The following HDAC4 variants were observed in gnomAD, a reference collection of about 807,000 sequenced individuals.
The protein encoded by HDAC4 is histone deacetylase 4.
Under a neutral mutation model 135.1 loss-of-function variants are expected in HDAC4, and 16 were observed. The ratio of observed to expected loss-of-function variants is 0.12; its 90% CI spans 0.08 to 0.18. HDAC4 has a LOEUF of 0.18. HDAC4 is among the 10% of genes least tolerant of loss of function. The pLI, the probability that HDAC4 is intolerant of heterozygous loss-of-function variation, is 1.00. For synonymous variants in HDAC4, 685 were observed against 653.4 expected (o/e 1.05, Z -0.74); for missense variants, 1,143 against 1,511.8 (o/e 0.76, Z 4.05).
At chr2:239,193,679 G>T (rs56758760) in intron 3 of HDAC4, among the ~76,000 whole-genome samples, 3,318 of 152,350 alleles carry the variant, frequency 0.022, 95 homozygotes, top group East Asian at 0.12. Flanking sequence ...AGCCAAGAGC[G>T]CGAGGGGAAG....
At chr2:239,109,609 TAAA>T (rs10543545) in intron 14 of HDAC4, among the ~76,000 whole-genome samples, 244 of 145,304 alleles carry the variant, frequency 1.7e-3, no homozygotes, top group Middle Eastern at 7.3e-3. Context: ...GGACTTCTGG[TAAA>T]AAAAAAAAAA....
intron 2 of HDAC4, among the ~76,000 whole-genome samples, chr2:239,271,119 T>C (rs867620473): frequency 1.3e-5 from 2 of 152,152 alleles, no homozygotes; most frequent in African/African-American, 2.4e-5. Flanking sequence ...AGTATGTTTT[T>C]TGGTGTTTTT....
At chr2:239,153,440 T>G (rs1427064759) in intron 7 of HDAC4, among the ~76,000 whole-genome samples, 1 of 152,238 alleles carries the variant, frequency 6.6e-6, no homozygotes, top group Non-Finnish European at 1.5e-5. Context: ...GTGTTTCATA[T>G]TACCAATTAC....
At chr2:239,389,202 G>A (rs1696031323) in intron 1 of HDAC4, among the ~76,000 whole-genome samples, 1 of 152,196 alleles carries the variant, frequency 6.6e-6, no homozygotes, top group Non-Finnish European at 1.5e-5. Flanking sequence ...GTAGGACGTG[G>A]GTGGGGACAA....
chr2:239,124,349 G>A (rs1345773031), intron 12 of HDAC4, among the ~76,000 whole-genome samples: 1 of 152,242 alleles, frequency 6.6e-6, no homozygotes, highest in Admixed American at 6.5e-5. Context: ...TCTGTGTCCT[G>A]TCTCTGTGAG....
chr2:239,189,196 G>T (rs1354127898), intron 4 of HDAC4, among the ~76,000 whole-genome samples: 1 of 152,168 alleles, frequency 6.6e-6, no homozygotes. Context: ...TGCTCTAAAT[G>T]GTTCTAAATG....
At chr2:239,152,360 T>G (rs186648403) in intron 7 of HDAC4, among the ~76,000 whole-genome samples, 4 of 152,244 alleles carry the variant, frequency 2.6e-5, no homozygotes, top group Non-Finnish European at 5.9e-5. Context: ...TTCACAAGTC[T>G]GCAGAAACCC....
At chr2:239,215,781 C>T (rs774930195) in intron 3 of HDAC4, among the ~76,000 whole-genome samples, 1 of 152,198 alleles carries the variant, frequency 6.6e-6, no homozygotes, top group South Asian at 2.1e-4. Context: ...GCACCGGGCT[C>T]CCTGGAGGAC....
At chr2:239,132,703 C>T (rs2040679087) in intron 11 of HDAC4, among the ~76,000 whole-genome samples, 2 of 152,242 alleles carry the variant, frequency 1.3e-5, no homozygotes, top group Admixed American at 6.5e-5. Context: ...ATCAAAAAGG[C>T]TGTTTTCCAA....
intron 3 of HDAC4, among the ~76,000 whole-genome samples, chr2:239,223,512 A>T (rs3791612): frequency 0.14 from 20,600 of 152,186 alleles, 1,497 homozygotes; most frequent in East Asian, 0.19. Context: ...GGGCAGCTTG[A>T]TAAAAAGTGA....
intron 2 of HDAC4, among the ~76,000 whole-genome samples, chr2:239,337,806 G>A (rs1692040942): frequency 1.3e-5 from 2 of 152,198 alleles, no homozygotes; most frequent in Admixed American, 6.5e-5. Context: ...CTTCGGCTGA[G>A]ATCTGCAGAC....
chr2:239,300,638 C>T (rs916485808), intron 2 of HDAC4, among the ~76,000 whole-genome samples: 16 of 152,160 alleles, frequency 1.1e-4, no homozygotes, highest in African/African-American at 3.9e-4. Context: ...GTGGATGAAG[C>T]CAGGCTGAGC....
chr2:239,330,620 T>C (rs1691506917), intron 2 of HDAC4, among the ~76,000 whole-genome samples: 1 of 152,218 alleles, frequency 6.6e-6, no homozygotes, highest in Non-Finnish European at 1.5e-5. Flanking sequence ...CACACTCTGT[T>C]TTCTTATCTC....
intron 3 of HDAC4, among the ~76,000 whole-genome samples, chr2:239,199,235 C>G (rs1445145077): frequency 6.6e-6 from 1 of 151,960 alleles, no homozygotes; most frequent in South Asian, 2.1e-4. Context: ...GGGTGCTCAC[C>G]GAGAGGCCTG....
intron 3 of HDAC4, among the ~76,000 whole-genome samples, chr2:239,199,226 G>A (rs1374056158): frequency 6.6e-6 from 1 of 151,894 alleles, no homozygotes; most frequent in Admixed American, 6.6e-5. Context: ...CTGAAAGCTG[G>A]GTGCTCACCG....
chr2:239,284,003 C>T (rs1019287581), intron 2 of HDAC4, among the ~76,000 whole-genome samples: 1 of 152,190 alleles, frequency 6.6e-6, no homozygotes. Flanking sequence ...AGGGCGTCGG[C>T]GCAGGGGCCC....
chr2:239,278,342 C>CAATCT (rs1424958793), intron 2 of HDAC4, among the ~76,000 whole-genome samples: 2 of 152,184 alleles, frequency 1.3e-5, no homozygotes, highest in East Asian at 3.9e-4. Context: ...AAAAAATTGA[C>CAATCT]AATCTAATTG....
chr2:239,094,467 C>T (rs2036811965), intron 17 of HDAC4: 1 of 995,224 alleles, frequency 1.0e-6, no homozygotes, highest in Non-Finnish European at 1.2e-6. Flanking sequence ...TCCATATCAT[C>T]AGTTCGTAGA....
intron 3 of HDAC4, among the ~76,000 whole-genome samples, chr2:239,216,810 G>A (rs965737799): frequency 2.0e-5 from 3 of 152,110 alleles, no homozygotes; most frequent in Non-Finnish European, 4.4e-5. Flanking sequence ...TGAGAAGGGG[G>A]TGCACAGGGG....
Sources: allele counts gnomAD v4.1 joint callset (sites outside exome capture counted in the v4.1 genomes callset), GRCh38; gene constraint gnomAD v4.1.1; transcripts MANE v1.5; gene names NCBI Gene and HGNC (gene_info 2026-07-23, HGNC 2026-07-21).